Variants in NHSL1 observed in about 807,000 individuals in gnomAD.
NHSL1 encodes the protein NHS-like protein 1.
A neutral mutation model predicts 95.0 loss-of-function variants in NHSL1; 48 were observed. The observed-to-expected ratio is 0.51, with a 90% CI of 0.40 to 0.64. The LOEUF is 0.64. NHSL1 is among the 30% of genes least tolerant of loss of function. The pLI is 0.00. For synonymous variants in NHSL1, 783 were observed against 833.9 expected, an observed-to-expected ratio of 0.94 and a Z score of 1.05; for missense variants, 1,971 against 2,077.7, an observed-to-expected ratio of 0.95 and a Z score of 1.00.
intron 1 of NHSL1, among the ~76,000 whole-genome samples, chr6:138,669,149 G>A (rs1051654808): frequency 2.0e-5 from 3 of 152,084 alleles, no homozygotes; most frequent in African/African-American, 7.2e-5. Flanking sequence ...TTCTGCTTGA[G>A]AAGATAGGAA....
At chr6:138,635,656 G>T (rs1181215063) in intron 1 of NHSL1, among the ~76,000 whole-genome samples, 3 of 151,806 alleles carry the variant, frequency 2.0e-5, no homozygotes, top group African/African-American at 7.3e-5. Flanking sequence ...AGAGAATGAG[G>T]GATAGTTCCA....
At chr6:138,606,509 A>G (rs936820993) in intron 1 of NHSL1, among the ~76,000 whole-genome samples, 5 of 152,096 alleles carry the variant, frequency 3.3e-5, no homozygotes, top group African/African-American at 1.2e-4. Context: ...TGTATGCTTT[A>G]CAAAGCCGTC....
chr6:138,643,212 G>A (rs930886444), intron 1 of NHSL1, among the ~76,000 whole-genome samples: 1 of 152,180 alleles, frequency 6.6e-6, no homozygotes, highest in African/African-American at 2.4e-5. Context: ...TGTAGGTATC[G>A]TTAGTTCCTT....
chr6:138,569,412 G>A (rs1385350373), intron 1 of NHSL1, among the ~76,000 whole-genome samples: 1 of 152,128 alleles, frequency 6.6e-6, no homozygotes, highest in African/African-American at 2.4e-5. Context: ...TGAAAGAAAG[G>A]TGGATTAGGC....
chr6:138,484,956 T>G (rs770251863), intron 2 of NHSL1, among the ~76,000 whole-genome samples: 1 of 152,230 alleles, frequency 6.6e-6, no homozygotes, highest in Non-Finnish European at 1.5e-5. Flanking sequence ...CTTGAAGAAC[T>G]AAATCTGATT....
intron 1 of NHSL1, among the ~76,000 whole-genome samples, chr6:138,522,188 T>G (rs1781711659): frequency 1.3e-5 from 2 of 152,166 alleles, no homozygotes; most frequent in Admixed American, 6.5e-5. Context: ...ACTTTTTTAT[T>G]ATTAAATTTT....
In NHSL1 at chr6:138,490,371, G is replaced by A. The variant is rs116824439; in HGVS notation, c.211+5848C>T. Reference sequence around the variant, plus strand: ...GACCTTCAAGTGGAGAACCGATGGCGAAAGACAAGGGGTATCTGCGATATC... The same window carrying A: ...GACCTTCAAGTGGAGAACCGATGGCAAAAGACAAGGGGTATCTGCGATATC... On this transcript the variant is annotated intron_variant, in intron 2 of 7. Coordinates refer to ENST00000343505, the MANE Select transcript of NHSL1 (RefSeq NM_001144060.2). Among the ~76,000 whole-genome samples the A allele has an allele frequency of 7.6e-3, 1,157 of 152,182 alleles. 10 individuals carry two copies. Among genetic ancestry groups the A allele is most frequent in the African/African-American group, 0.025 (1,027 of 41,520 alleles).
chr6:138,580,454 A>G (rs1342705795), intron 1 of NHSL1, among the ~76,000 whole-genome samples: 2 of 152,118 alleles, frequency 1.3e-5, no homozygotes, highest in African/African-American at 4.8e-5. Flanking sequence ...CAGTCGGGAG[A>G]TTTAGCCAAC....
intron 3 of NHSL1, among the ~76,000 whole-genome samples, chr6:138,472,719 A>C (rs1044164859): frequency 1.3e-5 from 2 of 152,342 alleles, no homozygotes; most frequent in Middle Eastern, 3.4e-3. Flanking sequence ...TACTTATCTT[A>C]AGTGGTTTGT....
At chr6:138,460,480 T>G (rs574571052) in intron 3 of NHSL1, among the ~76,000 whole-genome samples, 4 of 152,214 alleles carry the variant, frequency 2.6e-5, no homozygotes, top group Middle Eastern at 3.4e-3. Context: ...CAGACATTTT[T>G]TGTGTCATTA....
At chr6:138,491,910 T>G (rs745364010) in intron 2 of NHSL1, among the ~76,000 whole-genome samples, 4 of 152,172 alleles carry the variant, frequency 2.6e-5, no homozygotes, top group Non-Finnish European at 5.9e-5. Context: ...CTCAAAAAGT[T>G]TTGGATTTTG....
chr6:138,532,618 C>G (rs9495114), intron 1 of NHSL1, among the ~76,000 whole-genome samples: 1 of 151,876 alleles, frequency 6.6e-6, no homozygotes, highest in African/African-American at 2.4e-5. Flanking sequence ...TTTGATCCCC[C>G]ACAAAATCAC....
chr6:138,602,760 A>G (rs926051384), intron 1 of NHSL1, among the ~76,000 whole-genome samples: 3 of 152,178 alleles, frequency 2.0e-5, no homozygotes, highest in African/African-American at 7.2e-5. Context: ...TTTCCCATGG[A>G]TAAAGAGAAT....
rs1297985975 is a variant in NHSL1, at chr6:138,433,048, C to T, written c.1297G>A (p.Ala433Thr). Residue 433 changes from alanine (A) to threonine (T), a missense_variant, in exon 6 of 8, where the codon GCG becomes ACG. Transcript: ENST00000343505. ...EVIAIPTAQS[A>T]GQRESKSSGS... ...GAACTTTTACTTTCCCGCTGTCCCG[C>T]ACTCTGAGCAGTGGGAATAGCGATG... 2 of 1,551,500 alleles carry T rather than the reference C, an allele frequency of 1.3e-6. No homozygotes were observed. The highest frequency in any genetic ancestry group is 1.2e-5 in the South Asian group (1 of 84,064).
chr6:138,593,602 AACTC>A (rs1007373866), intron 1 of NHSL1, among the ~76,000 whole-genome samples: 17 of 152,204 alleles, frequency 1.1e-4, no homozygotes, highest in African/African-American at 4.1e-4. Flanking sequence ...TAAAACAACA[AACTC>A]ACTTTCATTA....
intron 1 of NHSL1, among the ~76,000 whole-genome samples, chr6:138,537,237 G>A (rs750766694): frequency 6.6e-5 from 10 of 152,204 alleles, no homozygotes; most frequent in East Asian, 1.9e-4. Context: ...AAACACTTCC[G>A]TTGGAGCTGT....
chr6:138,524,377 T>G lies in NHSL1; in HGVS notation c.16+21246A>C, dbSNP rs574177139. 1.1e-3 allele frequency among the ~76,000 whole-genome samples: 167 copies of G among 152,308 alleles called. 1 individual carries two copies. The highest frequency in any genetic ancestry group is 3.4e-3 in the Middle Eastern group (1 of 292). On this transcript the variant is annotated intron_variant, in intron 1 of 4. Coordinates refer to the NHSL1 transcript ENST00000342260. ...ACCAGCTCCCAAGACCTCCTGTTCA[T>G]GCCCTCCTTGCAGCCACTAGCCCCA...
intron 3 of NHSL1, among the ~76,000 whole-genome samples, chr6:138,450,898 T>C (rs1463037453): frequency 6.6e-6 from 1 of 152,112 alleles, no homozygotes; most frequent in East Asian, 1.9e-4. Context: ...GCAGAACACA[T>C]GATTAGCCCA....
chr6:138,468,185 T>C (rs1778514509), intron 3 of NHSL1, among the ~76,000 whole-genome samples: 1 of 152,252 alleles, frequency 6.6e-6, no homozygotes, highest in African/African-American at 2.4e-5. Context: ...CTTCCAGTCC[T>C]GCAAGCTCCA....
Sources: gnomAD v4.1 joint callset for allele counts (sites outside exome capture counted in the v4.1 genomes callset) on GRCh38, gnomAD v4.1.1 for gene constraint, MANE v1.5 for transcripts, NCBI Gene and HGNC (gene_info 2026-07-23, HGNC 2026-07-21) for gene names.